RAB38: variants seen among roughly 807,000 people sequenced by gnomAD.
RAB38 encodes ras-related protein Rab-38.
RAB38 carries 15 observed loss-of-function variants against 18.4 expected under a neutral mutation model. The ratio of observed to expected loss-of-function variants is 0.82; its 90% confidence interval spans 0.55 to 1.26. The LOEUF (loss-of-function observed/expected upper bound fraction) is 1.26, where lower values mean the gene tolerates loss of function less well. RAB38 is among the 50% of genes most tolerant of loss of function. The pLI, the probability that RAB38 is intolerant of heterozygous loss-of-function variation, is 0.00. For missense variants in RAB38, 294 were observed against 267.4 expected (o/e 1.10, Z -0.69); for synonymous variants, 101 against 104.4 (o/e 0.97, Z 0.20).
the RAB38 span, among the ~76,000 whole-genome samples, chr11:87,892,795 A>G: frequency 2.6e-5 from 4 of 151,794 alleles, no homozygotes; most frequent in Non-Finnish European, 5.9e-5. Flanking sequence ...TATTCTCTTC[A>G]CTGGGATTAG....
At chr11:87,889,815 T>C in the RAB38 span, among the ~76,000 whole-genome samples, 83 of 151,830 alleles carry the variant, frequency 5.5e-4, 2 homozygotes, top group Non-Finnish European at 2.5e-4. Context: ...TGTGTGTTTC[T>C]GTGTGGTTTT....
At chr11:88,059,890 A>T in the RAB38 span, among the ~76,000 whole-genome samples, 1 of 152,220 alleles carries the variant, frequency 6.6e-6, no homozygotes, top group Non-Finnish European at 1.5e-5. Flanking sequence ...TTTCCTGCCC[A>T]CTGTCCTGGT....
chr11:87,876,072 C>A, the RAB38 span, among the ~76,000 whole-genome samples: 1 of 151,522 alleles, frequency 6.6e-6, no homozygotes, highest in African/African-American at 2.4e-5. Flanking sequence ...AAGTTTGTCT[C>A]CAAACTCTAC....
the RAB38 span, among the ~76,000 whole-genome samples, chr11:87,904,467 C>T: frequency 2.6e-5 from 4 of 151,594 alleles, no homozygotes; most frequent in Non-Finnish European, 5.9e-5. Context: ...GTATTTTTAC[C>T]GCGTTTTCCT....
chr11:87,915,545 C>G, the RAB38 span, among the ~76,000 whole-genome samples: 2 of 152,048 alleles, frequency 1.3e-5, no homozygotes, highest in South Asian at 4.1e-4. Context: ...GGAAGTTACC[C>G]TATATGGTCT....
chr11:87,948,564 C>T, the RAB38 span, among the ~76,000 whole-genome samples: 30 of 152,048 alleles, frequency 2.0e-4, no homozygotes, highest in East Asian at 3.7e-3. Flanking sequence ...TTTTGAGATA[C>T]GTCCCATCAA....
the RAB38 span, among the ~76,000 whole-genome samples, chr11:87,901,372 A>T: frequency 6.6e-6 from 1 of 151,652 alleles, no homozygotes. Context: ...CTCCATAAAA[A>T]ATCACAGGAC....
At chr11:88,050,258 G>A in the RAB38 span, 2 of 152,152 alleles carry the variant, frequency 1.3e-5, no homozygotes, top group South Asian at 4.1e-4. Flanking sequence ...CCATGAGAGA[G>A]GTTTGTCCCT....
At chr11:87,977,827 C>A in the RAB38 span, among the ~76,000 whole-genome samples, 97,912 of 97,936 alleles carry the variant, frequency 1, 48,944 homozygotes, top group Middle Eastern at 1. Flanking sequence ...ATATATGTTC[C>A]TATATAATCA....
intron 2 of RAB38, among the ~76,000 whole-genome samples, chr11:88,148,913 A>T (rs1008157848): frequency 6.6e-6 from 1 of 152,184 alleles, no homozygotes; most frequent in African/African-American, 2.4e-5. Flanking sequence ...AAATTTTGCC[A>T]TGAAAGTATT....
chr11:88,043,073 C>T, the RAB38 span, among the ~76,000 whole-genome samples: 7 of 151,972 alleles, frequency 4.6e-5, no homozygotes, highest in East Asian at 5.8e-4. Flanking sequence ...CCTATGCAAA[C>T]GTAACAAGTA....
At chr11:88,123,499 T>C (rs1942655191) in intron 2 of RAB38, among the ~76,000 whole-genome samples, 1 of 152,232 alleles carries the variant, frequency 6.6e-6, no homozygotes, top group Non-Finnish European at 1.5e-5. Flanking sequence ...GTCCTTATTT[T>C]GCTTTCCAGT....
At chr11:87,812,849 A>G in the RAB38 span, among the ~76,000 whole-genome samples, 10 of 152,356 alleles carry the variant, frequency 6.6e-5, 1 homozygote, top group African/African-American at 2.4e-4. Flanking sequence ...AATTAGAGAA[A>G]TATAGCCTAT....
chr11:88,006,066 A>C, the RAB38 span, among the ~76,000 whole-genome samples: 1 of 151,648 alleles, frequency 6.6e-6, no homozygotes, highest in Non-Finnish European at 1.5e-5. Context: ...AAAATATATA[A>C]AAAACTCAAA....
chr11:88,148,042 A>G (rs1270252604), intron 2 of RAB38, among the ~76,000 whole-genome samples: 1 of 152,212 alleles, frequency 6.6e-6, no homozygotes, highest in Non-Finnish European at 1.5e-5. Context: ...GTTCAAAGAG[A>G]GTCAAGAAAT....
At chr11:87,920,486 TGTG>T in the RAB38 span, among the ~76,000 whole-genome samples, 4 of 152,072 alleles carry the variant, frequency 2.6e-5, no homozygotes, top group Non-Finnish European at 5.9e-5. Context: ...TTTAGACCAT[TGTG>T]GTCAGGAAAG....
At chr11:87,850,603 A>C in the RAB38 span, among the ~76,000 whole-genome samples, 1 of 151,790 alleles carries the variant, frequency 6.6e-6, no homozygotes, top group Non-Finnish European at 1.5e-5. Flanking sequence ...GTTGCTACTC[A>C]ATATATTTTC....
chr11:87,936,327 A>G, the RAB38 span, among the ~76,000 whole-genome samples: 10 of 152,174 alleles, frequency 6.6e-5, no homozygotes, highest in Non-Finnish European at 1.5e-4. Flanking sequence ...GGTGTGAGAC[A>G]GGCCAAGCTT....
At chr11:88,101,476 A>G in the RAB38 span, among the ~76,000 whole-genome samples, 1 of 151,912 alleles carries the variant, frequency 6.6e-6, no homozygotes, top group Non-Finnish European at 1.5e-5. Context: ...TACGCTGTAT[A>G]AAAATATTTG....
Sources: gnomAD v4.1 joint callset for allele counts (sites outside exome capture counted in the v4.1 genomes callset) on GRCh38, gnomAD v4.1.1 for gene constraint, MANE v1.5 for transcripts, NCBI Gene and HGNC (gene_info 2026-07-23, HGNC 2026-07-21) for gene names.